CACUL1: variants seen among roughly 807,000 people sequenced by gnomAD.
CACUL1 encodes CDK2-associated and cullin domain-containing protein 1.
In CACUL1, 13 loss-of-function variants were observed where a neutral mutation model predicts 45.2. The observed-to-expected ratio is 0.29, with a 90% CI of 0.19 to 0.46. The LOEUF is 0.46. Ranked by LOEUF, CACUL1 falls within the 20% of genes least tolerant of loss-of-function variation. The pLI, the probability that CACUL1 is intolerant of heterozygous loss-of-function variation, is 1.00. For synonymous variants in CACUL1, 197 were observed against 174.2 expected (o/e 1.13, Z -1.03); for missense variants, 421 against 471.4 (o/e 0.89, Z 0.99).
Position 118,680,308 on chromosome 10 carries a change from A to AGAG in CACUL1, c.*5817_*5819dup, listed in dbSNP as rs1491264504. ...AAAAAACAAACCTGCTAAAAGGGAAAGAGTTTAAATGACACCCTACTTAAC... is the reference window on the plus strand; with the variant it reads ...AAAAAACAAACCTGCTAAAAGGGAAAGAGGAGTTTAAATGACACCCTACTTAAC... On this transcript the variant is annotated 3_prime_UTR_variant, in exon 9 of 9. Transcript: ENST00000369151. 6.6e-6 allele frequency: 1 copy of AGAG among 152,230 alleles called. No homozygotes were observed. Among genetic ancestry groups the AGAG allele is most frequent in the Non-Finnish European group, 1.5e-5 (1 of 68,038 alleles). 9.4% of individuals were successfully genotyped at this position (152,230 alleles called of 1,614,324 possible). A position where few individuals can be genotyped will look rare whatever the true frequency, so the allele number is the denominator to read the frequency against.
chr10:118,751,221 T>A (rs1379142891), intron 1 of CACUL1, among the ~76,000 whole-genome samples: 4 of 152,156 alleles, frequency 2.6e-5, no homozygotes, highest in Non-Finnish European at 5.9e-5. Flanking sequence ...TCTCTAATTT[T>A]TTCATCTTTT....
intron 1 of CACUL1, among the ~76,000 whole-genome samples, chr10:118,746,918 CAGGAACCGGTCGGTGGCCTGTA>C (rs1845848111): frequency 5.3e-5 from 8 of 152,334 alleles, no homozygotes; most frequent in African/African-American, 1.9e-4. Context: ...CCCCAGGCCA[CAGGAACCGGTCGGTGGCCTGTA>C]AGGAACCAGG....
chr10:118,717,565 T>A (rs1482130111), intron 3 of CACUL1, among the ~76,000 whole-genome samples: 1 of 152,118 alleles, frequency 6.6e-6, no homozygotes, highest in African/African-American at 2.4e-5. Flanking sequence ...AACTTACATC[T>A]GCAATGTTCA....
chr10:118,743,545 A>G (rs902633539), intron 1 of CACUL1, among the ~76,000 whole-genome samples: 1 of 152,180 alleles, frequency 6.6e-6, no homozygotes, highest in African/African-American at 2.4e-5. Flanking sequence ...CCTGGCCAAC[A>G]TGGTGAAACC....
Position 118,742,908 on chromosome 10 carries a change from G to A in CACUL1, c.367+11488C>T, listed in dbSNP as rs554147434. Among the ~76,000 whole-genome samples the A allele has an allele frequency of 1.9e-4, 29 of 152,198 alleles. No homozygotes were observed. The East Asian group carries it at 4.8e-3, about 25-fold the overall frequency. ...AATACATGTGGGAATGGATTGTGAG[G>A]GTGCTGAACAATGAAGAAAGAACTT... On this transcript the variant is annotated intron_variant, in intron 1 of 8. Coordinates refer to ENST00000369151, the MANE Select transcript of CACUL1 (RefSeq NM_153810.5).
chr10:118,688,018 G>GTGAT (rs1346621692), intron 7 of CACUL1, among the ~76,000 whole-genome samples: 1 of 152,286 alleles, frequency 6.6e-6, no homozygotes, highest in African/African-American at 2.4e-5. Context: ...GCTAACCAAG[G>GTGAT]TGATTTATTT....
chr10:118,724,533 T>A (rs764697723), intron 3 of CACUL1, among the ~76,000 whole-genome samples: 5 of 152,216 alleles, frequency 3.3e-5, no homozygotes, highest in African/African-American at 7.2e-5. Context: ...AAGTTTTTTT[T>A]ACACGGACCA....
intron 6 of CACUL1, among the ~76,000 whole-genome samples, chr10:118,692,140 A>T (rs1796744155): frequency 1.3e-5 from 2 of 152,124 alleles, no homozygotes; most frequent in African/African-American, 4.8e-5. Flanking sequence ...AGACATATTT[A>T]AAAAAAGAGG....
At chr10:118,695,004 A>G in intron 6 of CACUL1, 137 bp downstream of exon 6, 3 of 600,158 alleles carry the variant, frequency 5.0e-6, no homozygotes, top group East Asian at 5.6e-5. Context: ...TTTCACAATG[A>G]TGAGTATCTA....
chr10:118,687,826 A>T (rs1026366847), intron 7 of CACUL1, among the ~76,000 whole-genome samples: 20 of 149,442 alleles, frequency 1.3e-4, no homozygotes, highest in Non-Finnish European at 2.4e-4. Context: ...ACTCAATATT[A>T]TTTTTTTTTT....
intron 3 of CACUL1, among the ~76,000 whole-genome samples, chr10:118,727,785 A>G (rs568633107): frequency 3.5e-4 from 53 of 152,372 alleles, no homozygotes; most frequent in African/African-American, 1.2e-3. Flanking sequence ...TCGAGAAATG[A>G]TGATGAACCT....
intron 3 of CACUL1, among the ~76,000 whole-genome samples, chr10:118,716,022 G>C (rs1845540200): frequency 6.6e-6 from 1 of 152,102 alleles, no homozygotes; most frequent in African/African-American, 2.4e-5. Flanking sequence ...GGATCACGAG[G>C]TCAGGAGGTC....
Position 118,730,364 on chromosome 10 carries a change from T to G in CACUL1, c.414A>C (p.Pro138=). ...GTTGATCTATGGCACCATCCAATTT[T>G]GGCCAGTATGTGCTCTTATAATCTT... ...TIEDYKSTYW[P]KLDGAIDQLL... Residue 138 remains proline, a synonymous_variant, in exon 2 of 9, where the codon CCA becomes CCC. Coordinates refer to ENST00000369151, the MANE Select transcript of CACUL1 (RefSeq NM_153810.5). The G allele has an allele frequency of 6.2e-7, 1 of 1,613,814 alleles. No homozygotes were observed. Among genetic ancestry groups the G allele is most frequent in the Admixed American group, 1.7e-5 (1 of 60,028 alleles).
At chr10:118,699,870 A>C (rs757664522) in intron 5 of CACUL1, among the ~76,000 whole-genome samples, 3 of 151,916 alleles carry the variant, frequency 2.0e-5, no homozygotes, top group Non-Finnish European at 4.4e-5. Flanking sequence ...GGATGATCTC[A>C]ATCTCCTGAC....
chr10:118,678,446 T>C lies in CACUL1; in HGVS notation c.*7682A>G, dbSNP rs1342689010. The C allele has an allele frequency of 1.3e-5, 2 of 152,206 alleles. No homozygotes were observed. Among genetic ancestry groups the C allele is most frequent in the Admixed American group, 1.3e-4 (2 of 15,280 alleles). 9.4% of individuals were successfully genotyped at this position (152,206 alleles called of 1,614,324 possible). ...CCCTCACAATCCATTCAGAAAGGTCTTGGATATCCTTGGCCCTTTGCTCTT... is the reference window on the plus strand; with the variant it reads ...CCCTCACAATCCATTCAGAAAGGTCCTGGATATCCTTGGCCCTTTGCTCTT... On this transcript the variant is annotated 3_prime_UTR_variant, in exon 9 of 9. Transcript: ENST00000369151.
rs780308072 is a variant in CACUL1, at chr10:118,754,465, C to A, written c.298G>T (p.Val100Leu). Residue 100 changes from valine (V) to leucine (L), a missense_variant, in exon 1 of 9, where the codon GTG becomes TTG. This residue lies in a region of CACUL1 where 213 missense variants were observed against 173.1 expected (regional missense o/e 1.23). Coordinates refer to ENST00000369151, the MANE Select transcript of CACUL1 (RefSeq NM_153810.5). ...MLKSCDAAAAVAKAAPAPTAS... is the reference protein window; with the variant it reads ...MLKSCDAAAALAKAAPAPTAS... ...GTGGGGGCGGGGGCCGCCTTGGCCA[C>A]GGCGGCGGCCGCGTCGCAGCTCTTC... The A allele has an allele frequency of 7.5e-6, 12 of 1,605,726 alleles. No homozygotes were observed. The African/African-American group carries it at 1.2e-4, about 16-fold the overall frequency.
intron 5 of CACUL1, among the ~76,000 whole-genome samples, chr10:118,696,637 T>C (rs1845326261): frequency 6.6e-6 from 1 of 152,108 alleles, no homozygotes; most frequent in African/African-American, 2.4e-5. Flanking sequence ...AGCGAGACAC[T>C]ATCTAATAAA....
At chr10:118,712,649 G>A (rs1218484081) in intron 3 of CACUL1, among the ~76,000 whole-genome samples, 3 of 152,178 alleles carry the variant, frequency 2.0e-5, no homozygotes, top group South Asian at 2.1e-4. Context: ...CAGGGTGTCC[G>A]GACAAGTGTT....
chr10:118,747,107 G>A (rs559500370), intron 1 of CACUL1, among the ~76,000 whole-genome samples: 242 of 152,316 alleles, frequency 1.6e-3, no homozygotes, highest in Non-Finnish European at 1.8e-3. Flanking sequence ...AAGACCTGAT[G>A]ATCCGAGGTG....
Sources: gnomAD v4.1 joint callset for allele counts (sites outside exome capture counted in the v4.1 genomes callset) on GRCh38, gnomAD v4.1.1 for gene constraint, gnomAD v4.1.1 regional missense constraint, MANE v1.5 for transcripts, NCBI Gene and HGNC (gene_info 2026-07-23, HGNC 2026-07-21) for gene names.